Variants in PIP4K2A observed in about 807,000 individuals in gnomAD.
PIP4K2A encodes phosphatidylinositol 5-phosphate 4-kinase type-2 alpha.
In PIP4K2A, 14 loss-of-function variants were observed where a neutral mutation model predicts 42.9. The ratio of observed to expected loss-of-function variants is 0.33; its 90% CI spans 0.22 to 0.51. PIP4K2A has a LOEUF of 0.51. Ranked by LOEUF, PIP4K2A falls within the 20% of genes least tolerant of loss-of-function variation. The pLI, the probability that PIP4K2A is intolerant of heterozygous loss-of-function variation, is 0.97. For synonymous variants in PIP4K2A, 192 were observed against 192.2 expected (o/e 1.00, Z 0.01); for missense variants, 434 against 519.8 (o/e 0.83, Z 1.61).
At chr10:22,632,127 A>T (rs1184245753) in intron 1 of PIP4K2A, among the ~76,000 whole-genome samples, 1 of 152,196 alleles carries the variant, frequency 6.6e-6, no homozygotes, top group Non-Finnish European at 1.5e-5. Context: ...AAAGACAGGA[A>T]ATAGTCCAGA....
intron 1 of PIP4K2A, among the ~76,000 whole-genome samples, chr10:22,666,791 C>A (rs978009709): frequency 1.3e-5 from 2 of 152,294 alleles, no homozygotes; most frequent in South Asian, 4.1e-4. Context: ...CTTTGCTCCC[C>A]GAACGTACAT....
chr10:22,705,403 C>T (rs755572361), intron 1 of PIP4K2A, among the ~76,000 whole-genome samples: 3 of 119,040 alleles, frequency 2.5e-5, no homozygotes, highest in Non-Finnish European at 4.9e-5. Flanking sequence ...ACCCCCTTTA[C>T]GTATTATATT....
At chr10:22,551,613 C>T (rs1353676434) in intron 6 of PIP4K2A, among the ~76,000 whole-genome samples, 1 of 152,182 alleles carries the variant, frequency 6.6e-6, no homozygotes, top group African/African-American at 2.4e-5. Flanking sequence ...CTTTGTGCAA[C>T]CTGCATTCAG....
intron 6 of PIP4K2A, among the ~76,000 whole-genome samples, chr10:22,563,468 TCAC>T (rs1256869856): frequency 6.6e-6 from 1 of 152,258 alleles, no homozygotes; most frequent in Non-Finnish European, 1.5e-5. Context: ...ATAATTTATT[TCAC>T]TACTTTAGAA....
chr10:22,555,095 C>A (rs529216022), intron 6 of PIP4K2A, among the ~76,000 whole-genome samples: 166 of 152,362 alleles, frequency 1.1e-3, no homozygotes, highest in Admixed American at 3.5e-3. Flanking sequence ...TGTCCTGCTT[C>A]CCGTTCGGAT....
intron 1 of PIP4K2A, among the ~76,000 whole-genome samples, chr10:22,713,410 C>T (rs757449366): frequency 7.9e-4 from 120 of 152,116 alleles, no homozygotes; most frequent in East Asian, 7.8e-4. Flanking sequence ...GGCCGCCCTT[C>T]CGCAGTCGGT....
At chr10:22,561,063 A>T (rs1297736383) in intron 6 of PIP4K2A, among the ~76,000 whole-genome samples, 1 of 152,272 alleles carries the variant, frequency 6.6e-6, no homozygotes, top group East Asian at 1.9e-4. Flanking sequence ...AAGATCGACC[A>T]CCAGGGAGGT....
intron 6 of PIP4K2A, among the ~76,000 whole-genome samples, chr10:22,554,116 G>A (rs888327616): frequency 6.6e-6 from 1 of 152,014 alleles, no homozygotes; most frequent in African/African-American, 2.4e-5. Context: ...ACTCCAGCCT[G>A]GGTGACATAG....
intron 4 of PIP4K2A, among the ~76,000 whole-genome samples, chr10:22,579,037 T>C (rs1837190779): frequency 6.6e-6 from 1 of 152,038 alleles, no homozygotes; most frequent in Non-Finnish European, 1.5e-5. Context: ...TTTCTCACGA[T>C]GGCCACGACA....
intron 4 of PIP4K2A, among the ~76,000 whole-genome samples, chr10:22,580,343 G>A (rs563055355): frequency 2.0e-5 from 3 of 152,048 alleles, no homozygotes; most frequent in East Asian, 1.9e-4. Context: ...ACTTGTAAGC[G>A]AATGCTTCAA....
chr10:22,599,572 A>G (rs911898497), intron 3 of PIP4K2A, among the ~76,000 whole-genome samples: 5 of 152,234 alleles, frequency 3.3e-5, no homozygotes, highest in Non-Finnish European at 7.3e-5. Flanking sequence ...ATCACAGCCA[A>G]TAAATGTTGC....
At chr10:22,675,098 AC>A (rs1374075974) in intron 1 of PIP4K2A, among the ~76,000 whole-genome samples, 1 of 152,236 alleles carries the variant, frequency 6.6e-6, no homozygotes, top group Non-Finnish European at 1.5e-5. Flanking sequence ...CATCACTGAT[AC>A]GTGACATCTT....
intron 1 of PIP4K2A, 128 bp downstream of exon 1, chr10:22,714,055 G>A (rs955590890): frequency 2.0e-6 from 2 of 981,756 alleles, no homozygotes; most frequent in Non-Finnish European, 2.9e-6. Flanking sequence ...TTCGAGGCGG[G>A]CGAGCAGCCG....
intron 6 of PIP4K2A, among the ~76,000 whole-genome samples, chr10:22,565,064 G>A (rs923673442): frequency 1.4e-5 from 2 of 147,332 alleles, no homozygotes; most frequent in Non-Finnish European, 3.1e-5. Flanking sequence ...CAATATCTGA[G>A]TGAGTGACCC....
intron 4 of PIP4K2A, among the ~76,000 whole-genome samples, chr10:22,577,779 A>G (rs1334645255): frequency 5.3e-5 from 8 of 152,136 alleles, no homozygotes; most frequent in Non-Finnish European, 2.9e-5. Context: ...TCCCTCCACT[A>G]GCAGCTTCTC....
At chr10:22,572,409 A>T (rs558189876) in intron 5 of PIP4K2A, among the ~76,000 whole-genome samples, 2 of 152,294 alleles carry the variant, frequency 1.3e-5, no homozygotes, top group African/African-American at 4.8e-5. Context: ...TGAGCTCAGG[A>T]GTTCAAGATC....
chr10:22,600,375 T>G (rs112302886), intron 3 of PIP4K2A, among the ~76,000 whole-genome samples: 1 of 152,036 alleles, frequency 6.6e-6, no homozygotes, highest in Non-Finnish European at 1.5e-5. Flanking sequence ...GACAGCCATC[T>G]CCTCACGGTG....
At chr10:22,577,970 G>A (rs1837164298) in intron 4 of PIP4K2A, among the ~76,000 whole-genome samples, 2 of 152,152 alleles carry the variant, frequency 1.3e-5, no homozygotes, top group Admixed American at 1.3e-4. Context: ...TGATAGGAAG[G>A]AATTTATTGG....
intron 1 of PIP4K2A, among the ~76,000 whole-genome samples, chr10:22,675,549 C>G (rs1839541196): frequency 6.6e-6 from 1 of 152,142 alleles, no homozygotes; most frequent in Admixed American, 6.5e-5. Flanking sequence ...AAGATTGCAC[C>G]ACTGCACTCC....
Sources: allele counts gnomAD v4.1 joint callset (sites outside exome capture counted in the v4.1 genomes callset), GRCh38; gene constraint gnomAD v4.1.1; transcripts MANE v1.5; gene names NCBI Gene and HGNC (gene_info 2026-07-23, HGNC 2026-07-21).